The following PDE4B variants were observed in gnomAD, a reference collection of about 807,000 sequenced individuals.
The protein encoded by PDE4B is phosphodiesterase 4B.
Under a neutral mutation model 82.2 loss-of-function variants are expected in PDE4B, and 20 were observed. The observed-to-expected ratio is 0.24, with a 90% CI of 0.17 to 0.35. PDE4B has a LOEUF of 0.35. Ranked by LOEUF, PDE4B falls within the 10% of genes least tolerant of loss-of-function variation. PDE4B has a pLI of 1.00. For synonymous variants in PDE4B, 320 were observed against 318.9 expected, an observed-to-expected ratio of 1.00 and a Z score of -0.04; for missense variants, 655 against 907.2, an observed-to-expected ratio of 0.72 and a Z score of 3.57.
At chr1:66,030,127 G>C (rs757349095) in intron 3 of PDE4B, among the ~76,000 whole-genome samples, 1 of 146,732 alleles carries the variant, frequency 6.8e-6, no homozygotes, top group African/African-American at 2.5e-5. Flanking sequence ...TTTTGGTTTT[G>C]ATTCTGTTTA....
chr1:65,854,469 G>T (rs957368382), intron 1 of PDE4B, among the ~76,000 whole-genome samples: 29 of 149,200 alleles, frequency 1.9e-4, no homozygotes, highest in Non-Finnish European at 3.7e-4. Flanking sequence ...TTTTCTGAAT[G>T]TGTTTATTTT....
intron 3 of PDE4B, among the ~76,000 whole-genome samples, chr1:66,013,872 G>A (rs1652626110): frequency 6.6e-6 from 1 of 152,048 alleles, no homozygotes; most frequent in African/African-American, 2.4e-5. Context: ...TTCCCATACG[G>A]TTCTCCATAA....
chr1:65,807,622 C>A (rs903138168), intron 1 of PDE4B, among the ~76,000 whole-genome samples: 1 of 152,178 alleles, frequency 6.6e-6, no homozygotes, highest in Admixed American at 6.5e-5. Flanking sequence ...CCCTCTAATC[C>A]CATTTCCTCA....
intron 2 of PDE4B, among the ~76,000 whole-genome samples, chr1:65,917,631 G>A (rs1156962353): frequency 1.3e-5 from 2 of 152,136 alleles, no homozygotes; most frequent in Non-Finnish European, 2.9e-5. Flanking sequence ...TAAATAACTT[G>A]TATCATTGAG....
At chr1:66,099,949 T>G (rs1645189304) in intron 3 of PDE4B, among the ~76,000 whole-genome samples, 1 of 152,140 alleles carries the variant, frequency 6.6e-6, no homozygotes, top group South Asian at 2.1e-4. Context: ...TCCTTTAACA[T>G]CACTTCATCA....
intron 3 of PDE4B, among the ~76,000 whole-genome samples, chr1:66,037,930 G>A (rs1411754800): frequency 1.3e-5 from 2 of 152,194 alleles, no homozygotes; most frequent in Non-Finnish European, 1.5e-5. Flanking sequence ...GGTTTAAATT[G>A]TATGATAAAT....
At chr1:65,821,748 G>T (rs1645955205) in intron 1 of PDE4B, among the ~76,000 whole-genome samples, 1 of 152,166 alleles carries the variant, frequency 6.6e-6, no homozygotes. Context: ...ATTTAGTGCA[G>T]TTGTTCTCAT....
At chr1:66,283,395 G>A (rs1656432102) in intron 7 of PDE4B, among the ~76,000 whole-genome samples, 1 of 151,760 alleles carries the variant, frequency 6.6e-6, no homozygotes, top group Non-Finnish European at 1.5e-5. Flanking sequence ...ATGTATATAT[G>A]TATGTCAGTC....
chr1:65,794,008 C>A (rs924842504), intron 1 of PDE4B, among the ~76,000 whole-genome samples: 10 of 152,148 alleles, frequency 6.6e-5, no homozygotes, highest in African/African-American at 2.4e-4. Flanking sequence ...TAAGGAGGAG[C>A]GCACAGAAGA....
At chr1:65,875,203 C>T (rs2100317791) in intron 1 of PDE4B, among the ~76,000 whole-genome samples, 1 of 151,978 alleles carries the variant, frequency 6.6e-6, no homozygotes, top group East Asian at 1.9e-4. Context: ...TGAAAAAATG[C>T]TCATCATCAC....
At chr1:65,899,430 A>G (rs1420825697) in intron 1 of PDE4B, among the ~76,000 whole-genome samples, 1 of 152,012 alleles carries the variant, frequency 6.6e-6, no homozygotes, top group East Asian at 1.9e-4. Context: ...TTAAAGAACT[A>G]AAAGTAGAAC....
At chr1:66,298,598 G>C (rs1557686252) in intron 7 of PDE4B, among the ~76,000 whole-genome samples, 1 of 152,176 alleles carries the variant, frequency 6.6e-6, no homozygotes, top group African/African-American at 2.4e-5. Context: ...GCCTGGGCTT[G>C]AGTCCAAGAC....
In PDE4B at chr1:66,276,040, C is replaced by G. The variant is rs1279207031; in HGVS notation, c.634+9953C>G. The stretch of plus-strand genomic sequence containing the variant: ...AGATAATGCTATTTTCTCTCTGCCC[C>G]CTCAGTTGTATTTGGGGCTTCAAAT... On this transcript the variant is annotated intron_variant, in intron 7 of 16. Transcript: ENST00000341517. 3.9e-5 allele frequency among the ~76,000 whole-genome samples: 6 copies of G among 152,122 alleles called. No individual in the cohort carries two copies. In the East Asian group the frequency reaches 5.8e-4, roughly 15 times the overall value.
intron 9 of PDE4B, chr1:66,360,278 G>T (rs1381510464): frequency 1.3e-5 from 2 of 152,084 alleles, no homozygotes; most frequent in African/African-American, 4.8e-5. Context: ...GTTAGGGATG[G>T]ATAATTCCCT....
chr1:66,320,125 C>T (rs1459587567), intron 7 of PDE4B, among the ~76,000 whole-genome samples: 3 of 152,148 alleles, frequency 2.0e-5, no homozygotes, highest in Admixed American at 6.6e-5. Flanking sequence ...TCCAACCTCT[C>T]AAACTTCCAC....
chr1:66,080,288 A>T (rs147555235), intron 3 of PDE4B, among the ~76,000 whole-genome samples: 2,031 of 152,270 alleles, frequency 0.013, 12 homozygotes, highest in Non-Finnish European at 0.019. Flanking sequence ...AATCACCATG[A>T]CACTACCAAT....
intron 3 of PDE4B, among the ~76,000 whole-genome samples, chr1:66,205,654 G>A (rs1649486163): frequency 6.6e-6 from 1 of 152,184 alleles, no homozygotes; most frequent in Non-Finnish European, 1.5e-5. Flanking sequence ...GTTTGCTATG[G>A]CTTACAACAC....
chr1:66,284,343 T>C (rs951495592), intron 7 of PDE4B, among the ~76,000 whole-genome samples: 1 of 152,208 alleles, frequency 6.6e-6, no homozygotes, highest in Non-Finnish European at 1.5e-5. Flanking sequence ...GAGCACCTAT[T>C]ATAACCAAGT....
intron 1 of PDE4B, among the ~76,000 whole-genome samples, chr1:65,810,489 C>G (rs1645806460): frequency 6.6e-6 from 1 of 152,032 alleles, no homozygotes; most frequent in Non-Finnish European, 1.5e-5. Context: ...TTTCACCAAC[C>G]CAAAGTCTAT....
Sources: allele counts gnomAD v4.1 joint callset (sites outside exome capture counted in the v4.1 genomes callset), GRCh38; gene constraint gnomAD v4.1.1; transcripts MANE v1.5; gene names NCBI Gene and HGNC (gene_info 2026-07-23, HGNC 2026-07-21).